The following AP3M1 variants were observed in gnomAD, a reference collection of about 807,000 sequenced individuals.
The protein encoded by AP3M1 is AP-3 complex subunit mu-1.
Under a neutral mutation model 42.6 loss-of-function variants are expected in AP3M1, and 29 were observed. That is an observed-to-expected ratio of 0.68 (90% CI 0.51 to 0.93). The LOEUF (loss-of-function observed/expected upper bound fraction) is 0.93, where lower values mean the gene tolerates loss of function less well. Among genes scored for constraint, AP3M1 ranks in the 40% least tolerant of loss-of-function variants. The probability of loss-of-function intolerance (pLI) is 0.00; values close to 1 mark genes in which losing one functional copy is unlikely to be tolerated. For missense variants in AP3M1, 416 were observed against 510.2 expected (o/e 0.82, Z 1.78); for synonymous variants, 178 against 175.3 (o/e 1.02, Z -0.12).
chr10:74,122,674 C>T lies in AP3M1; in HGVS notation c.*1136G>A, dbSNP rs978514512. 4 of 152,146 alleles carry T rather than the reference C, an allele frequency of 2.6e-5. No homozygotes were observed. Among genetic ancestry groups the T allele is most frequent in the African/African-American group, 9.7e-5 (4 of 41,418 alleles). 9.4% of individuals were successfully genotyped at this position (152,146 alleles called of 1,614,324 possible). On this transcript the variant is annotated 3_prime_UTR_variant, in exon 9 of 9. Transcript: ENST00000355264. ...GTATAGTACGTATATTTAAGCACTC[C>T]AGTGACAATTATGACAATAGTTTCT...
intron 1 of AP3M1, among the ~76,000 whole-genome samples, chr10:74,143,483 T>C (rs1841222641): frequency 6.6e-6 from 1 of 152,186 alleles, no homozygotes; most frequent in Admixed American, 6.5e-5. Flanking sequence ...TGCCTTCGCC[T>C]CCCAAAGTGA....
chr10:74,147,527 G>A (rs1243118850), intron 1 of AP3M1, among the ~76,000 whole-genome samples: 3 of 152,164 alleles, frequency 2.0e-5, no homozygotes, highest in African/African-American at 7.2e-5. Context: ...ATAATTAAAT[G>A]AAGCTAATTA....
At chr10:74,140,621 G>GA (rs1841116405) in intron 1 of AP3M1, among the ~76,000 whole-genome samples, 1 of 149,072 alleles carries the variant, frequency 6.7e-6, no homozygotes, top group South Asian at 2.1e-4. Flanking sequence ...AAAAAAAAAG[G>GA]AACAACGAAG....
intron 1 of AP3M1, among the ~76,000 whole-genome samples, chr10:74,145,788 T>G (rs564935330): frequency 1.1e-4 from 16 of 152,218 alleles, no homozygotes; most frequent in Non-Finnish European, 2.4e-4. Context: ...CTAAACATTT[T>G]ATAATCATCC....
At chr10:74,150,017 A>T (rs1234377188) in intron 1 of AP3M1, among the ~76,000 whole-genome samples, 1 of 152,232 alleles carries the variant, frequency 6.6e-6, no homozygotes, top group African/African-American at 2.4e-5. Flanking sequence ...TGTCATTGAT[A>T]ACTTTCTCCT....
At chr10:74,130,221 A>G (rs1209874909) in intron 4 of AP3M1, among the ~76,000 whole-genome samples, 1 of 151,406 alleles carries the variant, frequency 6.6e-6, no homozygotes, top group Admixed American at 6.6e-5. Context: ...GGTGCGTGCC[A>G]TGACACCTAG....
Position 74,126,234 on chromosome 10 carries a change from T to C in AP3M1, c.925A>G (p.Thr309Ala), listed in dbSNP as rs1840610519. Residue 309 changes from threonine to alanine, a missense_variant, in exon 7 of 9, where the codon ACA becomes GCA. Physicochemically the swap from Thr to Ala is moderately conservative, Grantham distance 58. Coordinates refer to ENST00000355264, the MANE Select transcript of AP3M1 (RefSeq NM_012095.6). ...ACTTTTGGCATGTGAACTGTCACTG[T>C]AATTCCTTCAATAGTTTTCCCCATA... ...QNMGKTIEGI[T>A]VTVHMPKVVL... 1 of 1,614,220 alleles carries C rather than the reference T, an allele frequency of 6.2e-7. No homozygotes were observed. Among genetic ancestry groups the C allele is most frequent in the Admixed American group, 1.7e-5 (1 of 60,024 alleles).
At chr10:74,148,600 G>A (rs1430804492) in intron 1 of AP3M1, among the ~76,000 whole-genome samples, 1 of 152,054 alleles carries the variant, frequency 6.6e-6, no homozygotes, top group African/African-American at 2.4e-5. Flanking sequence ...AGGCTGAAGT[G>A]CAGTGGACCA....
At position 74,121,504 on chromosome 10, in the gene AP3M1, G is replaced by A. The variant is rs762329139; in HGVS notation, c.*2306C>T. ...AAGTATTCAGAAATCTTTGTTATCA[G>A]TAGGTGGTGGTAGTGATAGGGAAGG... On this transcript the variant is annotated 3_prime_UTR_variant, in exon 9 of 9. Coordinates refer to ENST00000355264, the MANE Select transcript of AP3M1 (RefSeq NM_012095.6). 6.6e-6 allele frequency: 1 copy of A among 152,232 alleles called. No individual in the cohort carries two copies. The highest frequency in any genetic ancestry group is 1.5e-5 in the Non-Finnish European group (1 of 68,034). The allele number at this position is 152,232 out of a possible 1,614,324, so 9.4% of individuals were successfully genotyped here.
At chr10:74,136,891 G>A in intron 2 of AP3M1, 88 bp from the exon 3 acceptor site, 1 of 884,710 alleles carries the variant, frequency 1.1e-6, no homozygotes, top group Non-Finnish European at 1.6e-6. Flanking sequence ...TAAACTTAGA[G>A]TAGCATAATT....
Position 74,126,225 on chromosome 10 carries a change from C to T in AP3M1, c.934G>A (p.Val312Ile). ...GKTIEGITVT[V>I]HMPKVVLNMN... is the part of the protein sequence containing the mutation. ...TTCAGCACAACTTTTGGCATGTGAA[C>T]TGTCACTGTAATTCCTTCAATAGTT... Residue 312 changes from valine to isoleucine, a missense_variant, in exon 7 of 9, where the codon GTT becomes ATT. Val to Ile is a conservative substitution (Grantham distance 29). Coordinates refer to ENST00000355264, the MANE Select transcript of AP3M1 (RefSeq NM_012095.6). 1.2e-6 allele frequency: 2 copies of T among 1,614,210 alleles called. No homozygotes were observed. The highest frequency in any genetic ancestry group is 1.7e-6 in the Non-Finnish European group (2 of 1,180,034).
At position 74,138,330 on chromosome 10, in the gene AP3M1, T is replaced by C; in HGVS notation, c.50A>G (p.Glu17Gly). The C allele has an allele frequency of 6.2e-7, 1 of 1,614,178 alleles. No individual in the cohort carries two copies. The highest frequency in any genetic ancestry group is 8.5e-7 in the Non-Finnish European group (1 of 1,180,004). Reference sequence around the variant, plus strand: ...GCTCACAACGCTCTTCCAGTGCTTCTCTAGAAATATGTCACCGGAACAGTT... The same window carrying C: ...GCTCACAACGCTCTTCCAGTGCTTCCCTAGAAATATGTCACCGGAACAGTT... ...LINCSGDIFL[E>G]KHWKSVVSQS... is the part of the protein sequence containing the mutation. Residue 17 changes from glutamate (E) to glycine (G), a missense_variant, in exon 2 of 9, where the codon GAG (glutamate) becomes GGG (glycine). Coordinates refer to ENST00000355264, the MANE Select transcript of AP3M1 (RefSeq NM_012095.6).
intron 4 of AP3M1, among the ~76,000 whole-genome samples, chr10:74,130,547 C>T (rs553936429): frequency 6.6e-6 from 1 of 151,836 alleles, no homozygotes; most frequent in Non-Finnish European, 1.5e-5. Flanking sequence ...CTCAAGCAAT[C>T]CTCCCACCTC....
At chr10:74,148,939 C>A (rs1275157687) in intron 1 of AP3M1, among the ~76,000 whole-genome samples, 2 of 150,906 alleles carry the variant, frequency 1.3e-5, no homozygotes, top group African/African-American at 4.9e-5. Flanking sequence ...GTGGCGCAAT[C>A]TCAGCTTACC....
chr10:74,144,662 A>C (rs971442977), intron 1 of AP3M1, among the ~76,000 whole-genome samples: 9 of 147,168 alleles, frequency 6.1e-5, no homozygotes, highest in African/African-American at 1.8e-4. Flanking sequence ...GCTTTAGCTT[A>C]TGATTTTTTT....
intron 4 of AP3M1, among the ~76,000 whole-genome samples, chr10:74,133,718 G>A (rs1840852721): frequency 1.4e-5 from 2 of 146,672 alleles, no homozygotes; most frequent in South Asian, 4.3e-4. Flanking sequence ...GCAATGGCAT[G>A]ATCTTGTCTC....
In AP3M1 at chr10:74,122,071, A is replaced by T. The variant is rs1471855964; in HGVS notation, c.*1739T>A. ...ACTCTGAAGAGTCAAGACATTAAAA[A>T]TAAAAAGCAATTGAACCGGGTAGCC... On this transcript the variant is annotated 3_prime_UTR_variant, in exon 9 of 9. Transcript: ENST00000355264. 6.6e-6 allele frequency: 1 copy of T among 152,240 alleles called. No individual in the cohort carries two copies. Among genetic ancestry groups the T allele is most frequent in the Non-Finnish European group, 1.5e-5 (1 of 68,038 alleles). 9.4% of individuals were successfully genotyped at this position (152,240 alleles called of 1,614,324 possible).
chr10:74,131,313 G>A (rs907076097), intron 4 of AP3M1, among the ~76,000 whole-genome samples: 1 of 151,614 alleles, frequency 6.6e-6, no homozygotes, highest in African/African-American at 2.4e-5. Context: ...GACTACAGGC[G>A]CCTGCCACCA....
At chr10:74,146,130 T>C (rs966789619) in intron 1 of AP3M1, among the ~76,000 whole-genome samples, 2 of 152,158 alleles carry the variant, frequency 1.3e-5, no homozygotes, top group African/African-American at 2.4e-5. Context: ...GGAAATATAG[T>C]GTGCTGTGGG....
Sources: gnomAD v4.1 joint callset for allele counts (sites outside exome capture counted in the v4.1 genomes callset) on GRCh38, gnomAD v4.1.1 for gene constraint, MANE v1.5 for transcripts, NCBI Gene and HGNC (gene_info 2026-07-23, HGNC 2026-07-21) for gene names.